The following CREB3L2 variants were observed in gnomAD, a reference collection of about 807,000 sequenced individuals.
CREB3L2 encodes the protein cyclic AMP-responsive element-binding protein 3-like protein 2.
A neutral mutation model predicts 57.2 loss-of-function variants in CREB3L2; 23 were observed. That is an observed-to-expected ratio of 0.40 (90% CI 0.29 to 0.57). CREB3L2 has a LOEUF of 0.57. CREB3L2 is among the 20% of genes least tolerant of loss of function. CREB3L2 has a pLI of 0.42. For missense variants in CREB3L2, 628 were observed against 634.7 expected, an observed-to-expected ratio of 0.99 and a Z score of 0.11; for synonymous variants, 268 against 265.1, an observed-to-expected ratio of 1.01 and a Z score of -0.11.
At chr7:137,995,068 CG>C (rs1801964547) in intron 1 of CREB3L2, among the ~76,000 whole-genome samples, 2 of 152,062 alleles carry the variant, frequency 1.3e-5, no homozygotes, top group Non-Finnish European at 2.9e-5. Context: ...GTCATATGAC[CG>C]AATCCTTACC....
Position 137,980,866 on chromosome 7 carries a change from C to T in CREB3L2, c.102+20738G>A, listed in dbSNP as rs956170964. Among the ~76,000 whole-genome samples the T allele has an allele frequency of 2.6e-5, 4 of 152,186 alleles. No homozygotes were observed. Among genetic ancestry groups the T allele is most frequent in the Non-Finnish European group, 5.9e-5 (4 of 68,028 alleles). On this transcript the variant is annotated intron_variant, in intron 1 of 11. Coordinates refer to ENST00000330387, the MANE Select transcript of CREB3L2 (RefSeq NM_194071.4). The surrounding 1 kb of genome is among the most constrained non-coding windows in gnomAD (Gnocchi z 4.3). Reference sequence around the variant, plus strand: ...CTTTACTGATGCACTGGCCCCTGTTCCTCCACAATGTGACCCCCCTTTGTC... The same window carrying T: ...CTTTACTGATGCACTGGCCCCTGTTTCTCCACAATGTGACCCCCCTTTGTC...
chr7:137,990,287 T>C (rs907569312), intron 1 of CREB3L2, among the ~76,000 whole-genome samples: 2 of 152,208 alleles, frequency 1.3e-5, no homozygotes, highest in African/African-American at 4.8e-5. Context: ...CTCCTATGTA[T>C]ACTTCAGCAC....
chr7:137,939,215 TG>T (rs1800842072), intron 1 of CREB3L2, among the ~76,000 whole-genome samples: 1 of 152,136 alleles, frequency 6.6e-6, no homozygotes, highest in South Asian at 2.1e-4. Context: ...TATTTACATA[TG>T]ACAAAACACT....
In CREB3L2 at chr7:137,878,334, T is replaced by G. The variant is rs1308347800; in HGVS notation, c.*2142A>C. Reference sequence around the variant, plus strand: ...CATTCTCTCACTTCTGCCCCTAAATTTGAAACCTTTCCTTCCTCATTGCCC... The same window carrying G: ...CATTCTCTCACTTCTGCCCCTAAATGTGAAACCTTTCCTTCCTCATTGCCC... On this transcript the variant is annotated 3_prime_UTR_variant, in exon 12 of 12. Coordinates refer to ENST00000330387, the MANE Select transcript of CREB3L2 (RefSeq NM_194071.4). 1 of 232,866 alleles carries G rather than the reference T, an allele frequency of 4.3e-6. No individual in the cohort carries two copies. The allele number at this position is 232,866 out of a possible 1,614,324, so 14.4% of individuals were successfully genotyped here. A position where few individuals can be genotyped will look rare whatever the true frequency, so the allele number is the denominator to read the frequency against.
chr7:137,923,485 T>C (rs941824107), intron 2 of CREB3L2, among the ~76,000 whole-genome samples: 4 of 152,226 alleles, frequency 2.6e-5, no homozygotes, highest in African/African-American at 9.6e-5. Flanking sequence ...AGTGACTCAG[T>C]AGATACACAT....
At chr7:137,997,023 C>T (rs1776319743) in intron 1 of CREB3L2, among the ~76,000 whole-genome samples, 2 of 152,160 alleles carry the variant, frequency 1.3e-5, no homozygotes, top group African/African-American at 4.8e-5. Context: ...TTATCATGGG[C>T]AAACCACCTG....
chr7:138,000,727 TCAAA>T (rs1455063827), intron 1 of CREB3L2, among the ~76,000 whole-genome samples: 2 of 150,256 alleles, frequency 1.3e-5, no homozygotes, highest in Non-Finnish European at 1.5e-5. Flanking sequence ...TGGATAAGAA[TCAAA>T]CAAAGAGATC....
In CREB3L2 at chr7:137,980,565, T is replaced by A. The variant is rs961056134; in HGVS notation, c.102+21039A>T. ...GAAAGGGGAAGAGAAGACTTGCTGG[T>A]GCCCAGGGCTTACCCCAAGCATTGC... On this transcript the variant is annotated intron_variant, in intron 1 of 11. Transcript: ENST00000330387. The surrounding 1 kb of genome is among the most constrained non-coding windows in gnomAD (Gnocchi z 4.3). Among the ~76,000 whole-genome samples the A allele has an allele frequency of 6.6e-6, 1 of 152,216 alleles. No individual in the cohort carries two copies. Among genetic ancestry groups the A allele is most frequent in the Non-Finnish European group, 1.5e-5 (1 of 68,048 alleles).
chr7:137,931,382 C>T (rs368739070), intron 1 of CREB3L2, among the ~76,000 whole-genome samples: 3 of 151,936 alleles, frequency 2.0e-5, no homozygotes, highest in African/African-American at 7.3e-5. Context: ...ATTAGCCAGG[C>T]ATGGTGGTGG....
At chr7:137,967,620 G>C (rs1187086638) in intron 1 of CREB3L2, among the ~76,000 whole-genome samples, 1 of 152,174 alleles carries the variant, frequency 6.6e-6, no homozygotes, top group Middle Eastern at 3.2e-3. Flanking sequence ...TGATCAGACA[G>C]TTTGGTTCTG....
chr7:137,949,379 G>C (rs750182678), intron 1 of CREB3L2, among the ~76,000 whole-genome samples: 2 of 152,192 alleles, frequency 1.3e-5, no homozygotes, highest in Non-Finnish European at 2.9e-5. Context: ...ACTTTATAAA[G>C]GACTCACGTA....
At chr7:137,920,345 G>C (rs575034725) in intron 2 of CREB3L2, among the ~76,000 whole-genome samples, 10 of 152,184 alleles carry the variant, frequency 6.6e-5, no homozygotes, top group African/African-American at 2.4e-4. Flanking sequence ...GGATAATCTA[G>C]TGATCTCAGG....
chr7:137,885,324 G>T, intron 9 of CREB3L2, 79 bp downstream of exon 9: 1 of 1,327,842 alleles, frequency 7.5e-7, no homozygotes, highest in Non-Finnish European at 1.1e-6. Context: ...CACAGCACTT[G>T]GCCTTGGCAA....
intron 7 of CREB3L2, among the ~76,000 whole-genome samples, chr7:137,902,605 C>T (rs907501317): frequency 6.6e-6 from 1 of 152,158 alleles, no homozygotes; most frequent in Non-Finnish European, 1.5e-5. Context: ...GAACTCCCCA[C>T]AGATACCAAA....
chr7:137,892,547 G>A (rs768017189), intron 8 of CREB3L2, among the ~76,000 whole-genome samples: 34 of 152,108 alleles, frequency 2.2e-4, no homozygotes, highest in Non-Finnish European at 1.0e-4. Flanking sequence ...CTACCTAGGA[G>A]TCTGAGGAAC....
At chr7:137,881,845 G>C (rs1799299077) in intron 11 of CREB3L2, among the ~76,000 whole-genome samples, 1 of 152,180 alleles carries the variant, frequency 6.6e-6, no homozygotes, top group South Asian at 2.1e-4. Context: ...TAGAATTGGA[G>C]CCAAATAGAG....
chr7:137,991,117 T>C (rs1212548134), intron 1 of CREB3L2, among the ~76,000 whole-genome samples: 1 of 152,050 alleles, frequency 6.6e-6, no homozygotes, highest in Non-Finnish European at 1.5e-5. Context: ...ATCGACTGAA[T>C]GCTGCTGGTG....
intron 1 of CREB3L2, among the ~76,000 whole-genome samples, chr7:137,935,063 C>T (rs2117250562): frequency 6.6e-6 from 1 of 152,282 alleles, no homozygotes; most frequent in South Asian, 2.1e-4. Context: ...GGCAATGTAG[C>T]TTTGGAGTCA....
chr7:137,981,336 C>A (rs1280086473), intron 1 of CREB3L2, among the ~76,000 whole-genome samples: 1 of 152,130 alleles, frequency 6.6e-6, no homozygotes, highest in African/African-American at 2.4e-5. Context: ...TGAGGATAAA[C>A]CCAGATTCTA....
Sources: allele counts gnomAD v4.1 joint callset (sites outside exome capture counted in the v4.1 genomes callset), GRCh38; gene constraint gnomAD v4.1.1; non-coding constraint Gnocchi (gnomAD v3.1); transcripts MANE v1.5; gene names NCBI Gene and HGNC (gene_info 2026-07-23, HGNC 2026-07-21).